Variants in SLC39A6 observed in about 807,000 individuals in gnomAD.
SLC39A6 encodes zinc transporter ZIP6.
In SLC39A6, 51 loss-of-function variants were observed where a neutral mutation model predicts 63.5. The observed-to-expected ratio is 0.80, with a 90% confidence interval of 0.64 to 1.01. The LOEUF (loss-of-function observed/expected upper bound fraction) is 1.01, where lower values mean the gene tolerates loss of function less well. SLC39A6 is among the 50% of genes least tolerant of loss of function. The probability of loss-of-function intolerance (pLI) is 0.00; values close to 1 mark genes in which losing one functional copy is unlikely to be tolerated. For synonymous variants in SLC39A6, 318 were observed against 324.7 expected, an observed-to-expected ratio of 0.98 and a Z score of 0.22; for missense variants, 805 against 927.8, an observed-to-expected ratio of 0.87 and a Z score of 1.72.
intron 7 of SLC39A6, among the ~76,000 whole-genome samples, chr18:36,113,686 G>A (rs1657264375): frequency 6.6e-6 from 1 of 152,118 alleles, no homozygotes; most frequent in South Asian, 2.1e-4. Context: ...CTGGTAACTG[G>A]ACTTAGATGT....
At chr18:36,125,922 T>C (rs553711007) in intron 2 of SLC39A6, among the ~76,000 whole-genome samples, 2 of 152,374 alleles carry the variant, frequency 1.3e-5, no homozygotes, top group Non-Finnish European at 2.9e-5. Flanking sequence ...CTTTATAGAC[T>C]TTCTCTAAAG....
intron 5 of SLC39A6, among the ~76,000 whole-genome samples, chr18:36,120,341 C>T (rs1399652185): frequency 6.6e-6 from 1 of 152,044 alleles, no homozygotes; most frequent in Non-Finnish European, 1.5e-5. Flanking sequence ...AATGGGAACA[C>T]AGAAGATGAC....
intron 9 of SLC39A6, 73 bp from the exon 10 acceptor site, chr18:36,109,818 T>C (rs1433638306): frequency 1.6e-6 from 2 of 1,229,730 alleles, no homozygotes; most frequent in African/African-American, 3.0e-5. Context: ...TTTAGAAAAA[T>C]TTATAGGACA....
chr18:36,114,782 C>T (rs2089330214), intron 6 of SLC39A6, among the ~76,000 whole-genome samples: 1 of 152,022 alleles, frequency 6.6e-6, no homozygotes, highest in Non-Finnish European at 1.5e-5. Flanking sequence ...TTTCCTCATC[C>T]TAAGAGAAGA....
At chr18:36,112,648 C>T in intron 7 of SLC39A6, 67 bp from the exon 8 acceptor site, 1 of 1,153,792 alleles carries the variant, frequency 8.7e-7, no homozygotes, top group South Asian at 1.3e-5. Flanking sequence ...TATCAGTATG[C>T]AAAATGAGGT....
chr18:36,114,878 A>T (rs2089331147), intron 6 of SLC39A6, among the ~76,000 whole-genome samples: 1 of 152,218 alleles, frequency 6.6e-6, no homozygotes, highest in African/African-American at 2.4e-5. Flanking sequence ...AATTAGAAAT[A>T]AAAAAACATG....
chr18:36,120,244 G>A (rs2089381463), intron 5 of SLC39A6, among the ~76,000 whole-genome samples: 1 of 135,780 alleles, frequency 7.4e-6, no homozygotes, highest in South Asian at 2.3e-4. Context: ...ATAATGAGTA[G>A]CTTTTTTTTT....
Position 36,126,819 on chromosome 18 carries a change from G to T in SLC39A6, c.189C>A (p.Arg63=). 6.2e-7 allele frequency: 1 copy of T among 1,614,150 alleles called. No homozygotes were observed. Among genetic ancestry groups the T allele is most frequent in the Non-Finnish European group, 8.5e-7 (1 of 1,180,002 alleles). The part of the protein sequence containing the change: ...RQYHLQQLFY[R]YGENNSLSVE... ...CTGACAAAGAATTATTTTCTCCATA[G>T]CGGTAGAAAAGCTGTTGTAGATGAT... is the stretch of plus-strand genomic sequence containing the variant. Residue 63 remains arginine, a synonymous_variant, in exon 2 of 10, where the codon CGC becomes CGA. Transcript: ENST00000269187.
rs558981209 is a variant in SLC39A6 at position 36,121,641 on chromosome 18, T to C, written c.1359+411A>G. Reference sequence around the variant, plus strand: ...AAAGGGCAAGTCTGTAAAAGTCACATACCCTTTAAAAGAAAACAGAACATT... The same window carrying C: ...AAAGGGCAAGTCTGTAAAAGTCACACACCCTTTAAAAGAAAACAGAACATT... On this transcript the variant is annotated intron_variant, in intron 5 of 9. Coordinates refer to ENST00000269187, the MANE Select transcript of SLC39A6 (RefSeq NM_012319.4). 3.9e-5 allele frequency among the ~76,000 whole-genome samples: 6 copies of C among 152,268 alleles called. No individual in the cohort carries two copies. The South Asian group carries it at 1.2e-3, about 32-fold the overall frequency.
At chr18:36,121,837 T>C (rs573210936) in intron 5 of SLC39A6, among the ~76,000 whole-genome samples, 1 of 152,298 alleles carries the variant, frequency 6.6e-6, no homozygotes, top group South Asian at 2.1e-4. Flanking sequence ...GTCATGAGTT[T>C]CAAAAGAATA....
intron 5 of SLC39A6, among the ~76,000 whole-genome samples, 190 bp from the exon 6 acceptor site, chr18:36,116,969 C>T (rs992126272): frequency 4.6e-5 from 7 of 152,122 alleles, no homozygotes; most frequent in South Asian, 2.1e-4. Flanking sequence ...CCAGGCGCGG[C>T]GGCTCACGCC....
At position 36,126,894 on chromosome 18, in the gene SLC39A6, C is replaced by A; in HGVS notation, c.114G>T (p.Pro38=). 1 of 1,614,088 alleles carries A rather than the reference C, an allele frequency of 6.2e-7. No individual in the cohort carries two copies. Among genetic ancestry groups the A allele is most frequent in the Non-Finnish European group, 8.5e-7 (1 of 1,180,010 alleles). ...AFPQTTEKIS[P]NWESGINVDL... is the part of the protein sequence containing the mutation. ...CAACATTAATGCCAGATTCCCAATT[C>A]GGACTAATTTTCTCAGTGGTCTGGG... The change falls in exon 2 of 10, where the codon CCG becomes CCT. Residue 38 remains proline (P), a synonymous_variant. Transcript: ENST00000269187.
At chr18:36,115,313 G>C (rs1258947947) in intron 6 of SLC39A6, among the ~76,000 whole-genome samples, 1 of 151,912 alleles carries the variant, frequency 6.6e-6, no homozygotes, top group Non-Finnish European at 1.5e-5. Context: ...ATGGTGGCGG[G>C]TGCCTGTAGT....
In SLC39A6 at chr18:36,116,699, A is replaced by G; in HGVS notation, c.1440T>C (p.Asn480=). ...LSKYESQLST[N]EEKVDTDDRT... is the part of the protein sequence containing the mutation. ...GATCATCTGTATCTACTTTCTCCTC[A>G]TTTGTTGAAAGTTGAGATTCATACT... Residue 480 remains asparagine (N), a synonymous_variant, in exon 6 of 10, where the codon AAT becomes AAC. Transcript: ENST00000269187. The G allele has an allele frequency of 1.2e-6, 2 of 1,612,208 alleles. No homozygotes were observed. Among genetic ancestry groups the G allele is most frequent in the Admixed American group, 1.7e-5 (1 of 59,938 alleles).
At chr18:36,122,490 A>AC (rs2089402625) in intron 4 of SLC39A6, among the ~76,000 whole-genome samples, 1 of 152,136 alleles carries the variant, frequency 6.6e-6, no homozygotes, top group Non-Finnish European at 1.5e-5. Context: ...ATTCCCAGTG[A>AC]CCCCCATAAT....
Position 36,122,299 on chromosome 18 carries a change from A to T in SLC39A6, c.1141-29T>A, listed in dbSNP as rs530500345. ...AAGGCAAAATAATTTGTTATTTATA[A>T]ATTCATCAGTTTCACACACCGAGTC... On this transcript the variant is annotated intron_variant, in intron 4 of 9. Coordinates refer to ENST00000269187, the MANE Select transcript of SLC39A6 (RefSeq NM_012319.4). 4 of 1,556,832 alleles carry T rather than the reference A, an allele frequency of 2.6e-6. No individual in the cohort carries two copies. The African/African-American group carries it at 4.1e-5, about 16-fold the overall frequency.
In SLC39A6 at chr18:36,122,360, T is replaced by C. The variant is rs1440289405; in HGVS notation, c.1141-90A>G. On this transcript the variant is annotated intron_variant, in intron 4 of 9. Coordinates refer to ENST00000269187, the MANE Select transcript of SLC39A6 (RefSeq NM_012319.4). ...CTAGGTAAGGTCAAAATTGAAATCA[T>C]TCAGTTATGCAATTATTCAGATACT... 5.4e-6 allele frequency: 5 copies of C among 926,274 alleles called. No individual in the cohort carries two copies. In the East Asian group the frequency reaches 1.2e-4, roughly 22 times the overall value. 57.4% of individuals were successfully genotyped at this position (926,274 alleles called of 1,614,324 possible). A position where few individuals can be genotyped will look rare whatever the true frequency, so the allele number is the denominator to read the frequency against.
intron 9 of SLC39A6, 194 bp downstream of exon 9, chr18:36,110,865 C>T: frequency 1.1e-6 from 1 of 900,242 alleles, no homozygotes; most frequent in Non-Finnish European, 1.6e-6. Context: ...TTTTATTGAG[C>T]CTATAGTCCT....
At chr18:36,116,915 A>C (rs2144503080) in intron 5 of SLC39A6, 136 bp from the exon 6 acceptor site, 1 of 618,996 alleles carries the variant, frequency 1.6e-6, no homozygotes, top group East Asian at 2.9e-5. Context: ...CCACACTAGC[A>C]GCACACTATC....
Sources: gnomAD v4.1 joint callset for allele counts (sites outside exome capture counted in the v4.1 genomes callset) on GRCh38, gnomAD v4.1.1 for gene constraint, MANE v1.5 for transcripts, NCBI Gene and HGNC (gene_info 2026-07-23, HGNC 2026-07-21) for gene names.